ZBTB20: variants seen among roughly 807,000 people sequenced by gnomAD.
ZBTB20 encodes the protein zinc finger and BTB domain-containing protein 20.
In ZBTB20, 9 loss-of-function variants were observed where a neutral mutation model predicts 56.9. That is an observed-to-expected ratio of 0.16 (90% CI 0.10 to 0.28). ZBTB20 has a LOEUF of 0.28. Ranked by LOEUF, ZBTB20 falls within the 10% of genes least tolerant of loss-of-function variation. The pLI, the probability that ZBTB20 is intolerant of heterozygous loss-of-function variation, is 1.00. For missense variants in ZBTB20, 655 were observed against 1,003.0 expected, an observed-to-expected ratio of 0.65 and a Z score of 4.69; for synonymous variants, 417 against 420.7, an observed-to-expected ratio of 0.99 and a Z score of 0.11.
chr3:115,127,808 A>G (rs751201385), intron 1 of ZBTB20, among the ~76,000 whole-genome samples: 2 of 152,200 alleles, frequency 1.3e-5, no homozygotes, highest in African/African-American at 2.4e-5. Context: ...ATTTCTGTCT[A>G]TTCCAAAGAG....
chr3:114,360,608 C>T (rs1337377077), intron 10 of ZBTB20, among the ~76,000 whole-genome samples: 1 of 151,874 alleles, frequency 6.6e-6, no homozygotes, highest in Non-Finnish European at 1.5e-5. Context: ...ACCTTGGCCT[C>T]CCAAAGTGCT....
At position 114,747,933 on chromosome 3, in the gene ZBTB20, A is replaced by AC. The variant is rs1210182909; in HGVS notation, c.-343+53167_-343+53168insG. 9.4e-4 allele frequency among the ~76,000 whole-genome samples: 2 copies of AC among 2,136 alleles called. 1 individual carries two copies. Among genetic ancestry groups the AC allele is most frequent in the African/African-American group, 9.5e-4 (2 of 2,096 alleles). 1.4% of individuals were successfully genotyped at this position (2,136 alleles called of 152,430 possible). On this transcript the variant is annotated intron_variant, in intron 5 of 11. Transcript: ENST00000675478. Reference sequence around the variant, plus strand: ...CTCCGTCTCAAAAAAAAAAAAAAAAAAAAAAAAAAAAAAAAAACCAAGATT... The same window carrying AC: ...CTCCGTCTCAAAAAAAAAAAAAAAAACAAAAAAAAAAAAAAAAACCAAGATT...
intron 11 of ZBTB20, among the ~76,000 whole-genome samples, chr3:114,349,034 T>C (rs944756213): frequency 1.3e-5 from 2 of 151,840 alleles, no homozygotes; most frequent in African/African-American, 4.8e-5. Context: ...ACCCTGTCTC[T>C]ACAAAAAATA....
intron 2 of ZBTB20, among the ~76,000 whole-genome samples, chr3:115,067,157 C>G (rs1031361719): frequency 2.0e-5 from 3 of 152,046 alleles, no homozygotes; most frequent in African/African-American, 7.2e-5. Flanking sequence ...CACCAGACTG[C>G]ACACTTTTAG....
rs541737002 is a variant in ZBTB20 at position 114,843,860 on chromosome 3, T to G, written c.-416-42686A>C. Among the ~76,000 whole-genome samples, 48 of 138,276 alleles carry G rather than the reference T, an allele frequency of 3.5e-4. No individual in the cohort carries two copies. In the South Asian group the frequency reaches 0.011, roughly 31 times the overall value. 90.7% of individuals were successfully genotyped at this position (138,276 alleles called of 152,430 possible). A position where few individuals can be genotyped will look rare whatever the true frequency, so the allele number is the denominator to read the frequency against. ...CCCGGCTAATTTTTTTTTTTTTTTGTATTTTGAGTAGAGACAAGGTTTCAC... is the reference window on the plus strand; with the variant it reads ...CCCGGCTAATTTTTTTTTTTTTTTGGATTTTGAGTAGAGACAAGGTTTCAC... On this transcript the variant is annotated intron_variant, in intron 4 of 11. Transcript: ENST00000675478.
rs1341990052 is a variant in ZBTB20, at chr3:114,354,586, T to TG, written c.200-2709dup. 1.1e-4 allele frequency among the ~76,000 whole-genome samples: 4 copies of TG among 37,852 alleles called. No individual in the cohort carries two copies. The South Asian group carries it at 3.6e-3, about 34-fold the overall frequency. The allele number at this position is 37,852 out of a possible 152,430, so 24.8% of individuals were successfully genotyped here. On this transcript the variant is annotated intron_variant, in intron 10 of 11. Transcript: ENST00000675478. The stretch of plus-strand genomic sequence containing the variant: ...AGGTTTTTTTTTGTTTTGTTTTGTT[T>TG]GTTTTTTTTTTTTTTGACAGAGTCT...
chr3:114,627,585 A>T (rs2058719319), intron 6 of ZBTB20, among the ~76,000 whole-genome samples: 1 of 151,292 alleles, frequency 6.6e-6, no homozygotes, highest in Non-Finnish European at 1.5e-5. Flanking sequence ...TAGCAATGCC[A>T]TCCACAAACC....
At chr3:114,532,603 A>C (rs867326309) in intron 6 of ZBTB20, among the ~76,000 whole-genome samples, 1 of 152,200 alleles carries the variant, frequency 6.6e-6, no homozygotes, top group Non-Finnish European at 1.5e-5. Flanking sequence ...CTCTGAAGAG[A>C]GCAGCAGATC....
At chr3:114,906,026 TG>T (rs761452761) in intron 3 of ZBTB20, among the ~76,000 whole-genome samples, 1 of 151,790 alleles carries the variant, frequency 6.6e-6, no homozygotes, top group Non-Finnish European at 1.5e-5. Context: ...TTTAAATTAT[TG>T]GGGTGATTAT....
chr3:115,009,572 G>A (rs1360423144), intron 2 of ZBTB20, among the ~76,000 whole-genome samples: 1 of 151,882 alleles, frequency 6.6e-6, no homozygotes, highest in East Asian at 1.9e-4. Context: ...AGATGACTAG[G>A]TATTTACTGT....
At chr3:114,698,104 G>C (rs1578400534) in intron 5 of ZBTB20, among the ~76,000 whole-genome samples, 1 of 152,064 alleles carries the variant, frequency 6.6e-6, no homozygotes, top group East Asian at 1.9e-4. Flanking sequence ...CCATGGATTT[G>C]GTCCTACTGG....
chr3:114,867,028 A>C (rs1004416980), intron 4 of ZBTB20, among the ~76,000 whole-genome samples: 9 of 152,174 alleles, frequency 5.9e-5, no homozygotes, highest in Admixed American at 5.9e-4. Context: ...ATAGTTAATG[A>C]ATGTTTCTTA....
At chr3:114,992,446 T>C (rs1339750244) in intron 2 of ZBTB20, among the ~76,000 whole-genome samples, 1 of 151,978 alleles carries the variant, frequency 6.6e-6, no homozygotes, top group Non-Finnish European at 1.5e-5. Context: ...ATATTCAGTA[T>C]GATGTTGCTA....
At chr3:114,579,382 G>T (rs1040457554) in intron 6 of ZBTB20, among the ~76,000 whole-genome samples, 1 of 151,344 alleles carries the variant, frequency 6.6e-6, no homozygotes, top group African/African-American at 2.4e-5. Context: ...ATTTAAAATT[G>T]AACAAAACTA....
At chr3:115,101,517 C>A (rs1346490298) in intron 1 of ZBTB20, among the ~76,000 whole-genome samples, 1 of 152,136 alleles carries the variant, frequency 6.6e-6, no homozygotes, top group Non-Finnish European at 1.5e-5. Context: ...TTAAGCCACT[C>A]TCCTCGTCCC....
chr3:114,881,147 C>G (rs901113933), intron 4 of ZBTB20, among the ~76,000 whole-genome samples: 3 of 152,042 alleles, frequency 2.0e-5, no homozygotes, highest in African/African-American at 7.2e-5. Flanking sequence ...AGATGTTAAA[C>G]TGGTCAATGT....
chr3:114,845,176 A>C (rs1214927847), intron 4 of ZBTB20, among the ~76,000 whole-genome samples: 1 of 151,850 alleles, frequency 6.6e-6, no homozygotes, highest in Non-Finnish European at 1.5e-5. Flanking sequence ...TCACTGATGG[A>C]TCCCAAGTGG....
intron 1 of ZBTB20, among the ~76,000 whole-genome samples, chr3:115,146,912 GCGCCTCCCTCCCA>G (rs1022682109): frequency 1.2e-4 from 18 of 151,074 alleles, no homozygotes; most frequent in African/African-American, 4.1e-4. Flanking sequence ...CGACCCTCCC[GCGCCTCCCTCCCA>G]CCTCCCCGCC....
At chr3:114,345,205 T>C (rs56914266) in intron 11 of ZBTB20, among the ~76,000 whole-genome samples, 2,191 of 152,362 alleles carry the variant, frequency 0.014, 56 homozygotes, top group African/African-American at 0.048. Context: ...TTTCGGTGAA[T>C]GTGCACATTG....
Sources: allele counts gnomAD v4.1 joint callset (sites outside exome capture counted in the v4.1 genomes callset), GRCh38; gene constraint gnomAD v4.1.1; transcripts MANE v1.5; gene names NCBI Gene and HGNC (gene_info 2026-07-23, HGNC 2026-07-21).